FHIT: variants seen among roughly 807,000 people sequenced by gnomAD.
FHIT encodes the protein fragile histidine triad diadenosine triphosphatase, also known as bis(5'-adenosyl)-triphosphatase.
A neutral mutation model predicts 17.9 loss-of-function variants in FHIT; 19 were observed. The ratio of observed to expected loss-of-function variants is 1.06; its 90% confidence interval spans 0.74 to 1.56. The LOEUF (loss-of-function observed/expected upper bound fraction) is 1.56, where lower values mean the gene tolerates loss of function less well. Ranked by LOEUF, FHIT falls within the 40% of genes most tolerant of loss-of-function variation. FHIT has a pLI of 0.00. For synonymous variants in FHIT, 81 were observed against 69.7 expected (o/e 1.16, Z -0.81); for missense variants, 248 against 189.2 (o/e 1.31, Z -1.82).
At chr3:61,139,805 A>G (rs947878649) in intron 2 of FHIT, among the ~76,000 whole-genome samples, 6 of 152,178 alleles carry the variant, frequency 3.9e-5, no homozygotes, top group Non-Finnish European at 8.8e-5. Flanking sequence ...GAATGCTGGT[A>G]CTTTAAGTGA....
rs1018221220 is a variant in FHIT at position 60,160,386 on chromosome 3, G to A, written c.104-146234C>T. On this transcript the variant is annotated intron_variant, in intron 5 of 9. Transcript: ENST00000492590. The stretch of plus-strand genomic sequence containing the variant: ...GGCCAGGACTTCCTGGCTTCCTCAT[G>A]AGCCACCACATTTTCCATATTTTTA... 8.6e-4 allele frequency among the ~76,000 whole-genome samples: 131 copies of A among 152,244 alleles called. 1 individual carries two copies. The highest frequency in any genetic ancestry group is 3.1e-3 in the African/African-American group (128 of 41,542).
intron 8 of FHIT, among the ~76,000 whole-genome samples, chr3:59,851,346 G>A (rs1442476246): frequency 6.6e-6 from 1 of 152,130 alleles, no homozygotes; most frequent in African/African-American, 2.4e-5. Flanking sequence ...AATATGCAGA[G>A]CATTTCTTAT....
intron 5 of FHIT, among the ~76,000 whole-genome samples, chr3:60,149,528 C>T (rs974997857): frequency 2.6e-5 from 4 of 152,078 alleles, no homozygotes; most frequent in African/African-American, 7.2e-5. Context: ...CCTAAGGTTC[C>T]GGAGCTCCAT....
chr3:60,521,933 G>C (rs1464863452), intron 5 of FHIT, among the ~76,000 whole-genome samples: 4 of 152,056 alleles, frequency 2.6e-5, no homozygotes. Flanking sequence ...CATTTCCATG[G>C]TTTGAGTTTT....
chr3:60,601,313 T>C (rs1389942853), intron 4 of FHIT, among the ~76,000 whole-genome samples: 1 of 152,174 alleles, frequency 6.6e-6, no homozygotes, highest in Non-Finnish European at 1.5e-5. Context: ...GAAAGCCTTG[T>C]GATAAAACAG....
chr3:60,592,184 ATC>A lies in FHIT; in HGVS notation c.-17-55207_-17-55206del, dbSNP rs1184572696. 6.1e-5 allele frequency among the ~76,000 whole-genome samples: 9 copies of A among 147,674 alleles called. No individual in the cohort carries two copies. In the East Asian group the frequency reaches 7.9e-4, roughly 13 times the overall value. On this transcript the variant is annotated intron_variant, in intron 4 of 9. Transcript: ENST00000492590. ...ATATATATATTATTATATATATATTATCTCTCTATATATTCTCTATATGTAAC... is the reference window on the plus strand; with the variant it reads ...ATATATATATTATTATATATATATTATCTCTATATATTCTCTATATGTAAC...
At chr3:60,759,443 A>G (rs1188736374) in intron 4 of FHIT, among the ~76,000 whole-genome samples, 1 of 152,330 alleles carries the variant, frequency 6.6e-6, no homozygotes, top group Non-Finnish European at 1.5e-5. Flanking sequence ...AGAGATAGAG[A>G]TTTCGAAAAC....
rs1576057482 is a variant in FHIT, at chr3:61,123,719, G to T, written c.-164+76898C>A. Among the ~76,000 whole-genome samples the T allele has an allele frequency of 2.0e-5, 3 of 152,238 alleles. No homozygotes were observed. In the South Asian group the frequency reaches 6.2e-4, roughly 32 times the overall value. On this transcript the variant is annotated intron_variant, in intron 2 of 9. Coordinates refer to ENST00000492590, the MANE Select transcript of FHIT (RefSeq NM_002012.4). ...TGGCAACATTTACTCCCTTAGTGTA[G>T]TAATAAATGTTCAGCAACTGGGTGG...
intron 7 of FHIT, among the ~76,000 whole-genome samples, chr3:59,947,456 C>A (rs559667639): frequency 3.3e-5 from 5 of 151,842 alleles, no homozygotes; most frequent in Non-Finnish European, 5.9e-5. Context: ...TTTCAAAGAC[C>A]CAATTTATGG....
intron 4 of FHIT, among the ~76,000 whole-genome samples, chr3:60,683,511 T>C (rs557790237): frequency 1.7e-5 from 2 of 119,178 alleles, no homozygotes; most frequent in South Asian, 3.4e-4. Context: ...GCAAAAAAAA[T>C]TTTTAAATTA....
chr3:61,236,944 G>A (rs2040244119), intron 1 of FHIT, among the ~76,000 whole-genome samples: 1 of 152,104 alleles, frequency 6.6e-6, no homozygotes, highest in South Asian at 2.1e-4. Context: ...GATCTACCTA[G>A]GGCCCATTTC....
At chr3:60,402,439 A>G (rs1156278205) in intron 5 of FHIT, among the ~76,000 whole-genome samples, 2 of 152,216 alleles carry the variant, frequency 1.3e-5, no homozygotes, top group Non-Finnish European at 2.9e-5. Flanking sequence ...AGGTATAGTT[A>G]TAATCCTTGG....
chr3:60,941,342 C>A (rs1220508148), intron 3 of FHIT, among the ~76,000 whole-genome samples: 1 of 152,094 alleles, frequency 6.6e-6, no homozygotes, highest in East Asian at 1.9e-4. Context: ...AAAATGGCAC[C>A]TTCATTTCTC....
chr3:60,096,788 T>C (rs1001702369), intron 5 of FHIT, among the ~76,000 whole-genome samples: 1 of 151,940 alleles, frequency 6.6e-6, no homozygotes, highest in Admixed American at 6.5e-5. Context: ...TGTCATGGAA[T>C]GTTTACAGAG....
chr3:59,909,576 C>T (rs779616234), intron 8 of FHIT, among the ~76,000 whole-genome samples: 1 of 152,172 alleles, frequency 6.6e-6, no homozygotes, highest in Non-Finnish European at 1.5e-5. Flanking sequence ...GTGATCCGTC[C>T]GCCTCTATCC....
At chr3:60,191,748 T>C (rs1341235579) in intron 5 of FHIT, among the ~76,000 whole-genome samples, 5 of 152,076 alleles carry the variant, frequency 3.3e-5, no homozygotes, top group African/African-American at 1.2e-4. Context: ...AGATTAAAAA[T>C]TTTAAAAATA....
intron 4 of FHIT, among the ~76,000 whole-genome samples, chr3:60,566,715 G>A (rs1175314011): frequency 1.3e-5 from 2 of 152,066 alleles, no homozygotes; most frequent in African/African-American, 4.8e-5. Context: ...AAACCCCATT[G>A]TCTCAGCCCA....
intron 8 of FHIT, among the ~76,000 whole-genome samples, chr3:59,774,349 A>T (rs996994482): frequency 2.6e-5 from 4 of 152,226 alleles, no homozygotes; most frequent in African/African-American, 9.6e-5. Flanking sequence ...TAGAGAAAGT[A>T]TGCAGACCCC....
chr3:60,022,317 T>C (rs1700582229), intron 5 of FHIT, among the ~76,000 whole-genome samples: 1 of 152,230 alleles, frequency 6.6e-6, no homozygotes, highest in African/African-American at 2.4e-5. Context: ...CAGTCATTAG[T>C]GCTGTTTGCC....
Sources: allele counts gnomAD v4.1 joint callset (sites outside exome capture counted in the v4.1 genomes callset), GRCh38; gene constraint gnomAD v4.1.1; transcripts MANE v1.5; gene names NCBI Gene and HGNC (gene_info 2026-07-23, HGNC 2026-07-21).